Variants in DOCK1 observed in about 807,000 individuals in gnomAD.
DOCK1 encodes the protein dedicator of cytokinesis protein 1.
In DOCK1, 138 loss-of-function variants were observed where a neutral mutation model predicts 262.7. That is an observed-to-expected ratio of 0.53 (90% CI 0.46 to 0.61). The LOEUF is 0.61. Ranked by LOEUF, DOCK1 falls within the 20% of genes least tolerant of loss-of-function variation. DOCK1 has a pLI of 0.00. For missense variants in DOCK1, 1,908 were observed against 2,370.7 expected (o/e 0.80, Z 4.05); for synonymous variants, 866 against 867.4 (o/e 1.00, Z 0.03).
intron 27 of DOCK1, among the ~76,000 whole-genome samples, chr10:127,179,332 T>C (rs1217951549): frequency 6.6e-6 from 1 of 152,236 alleles, no homozygotes; most frequent in African/African-American, 2.4e-5. Flanking sequence ...CTCTGTTTTA[T>C]AGAGGGTTGC....
Position 126,970,795 on chromosome 10 carries a change from C to T in DOCK1, c.130+10C>T. On this transcript the variant is annotated intron_variant, in intron 2 of 51. Transcript: ENST00000623213. The stretch of plus-strand genomic sequence containing the variant: ...TTAGAAACATATGAAGGTGCGTATG[C>T]ATCTTGGTATCTTTTCTCTTACATT... 1.2e-6 allele frequency: 2 copies of T among 1,610,030 alleles called. No homozygotes were observed. Among genetic ancestry groups the T allele is most frequent in the South Asian group, 2.2e-5 (2 of 90,340 alleles).
chr10:127,312,031 A>G (rs1223423759), intron 29 of DOCK1, among the ~76,000 whole-genome samples: 1 of 151,762 alleles, frequency 6.6e-6, no homozygotes, highest in African/African-American at 2.4e-5. Flanking sequence ...CACCTGGCCA[A>G]TTTTTGTATT....
At chr10:127,055,217 G>A (rs969279428) in intron 22 of DOCK1, among the ~76,000 whole-genome samples, 1 of 151,978 alleles carries the variant, frequency 6.6e-6, no homozygotes, top group Non-Finnish European at 1.5e-5. Context: ...CCGAGTTCAT[G>A]CACCTGCGTG....
chr10:127,282,219 TTCTCTC>T (rs547977341), intron 29 of DOCK1, among the ~76,000 whole-genome samples: 6 of 149,208 alleles, frequency 4.0e-5, no homozygotes, highest in African/African-American at 7.4e-5. Flanking sequence ...CTCTCTCTCT[TTCTCTC>T]TCTCTCTCTC....
At chr10:127,092,271 G>C (rs977420598) in intron 23 of DOCK1, among the ~76,000 whole-genome samples, 1 of 152,190 alleles carries the variant, frequency 6.6e-6, no homozygotes, top group Non-Finnish European at 1.5e-5. Context: ...TCGGGGAGGA[G>C]AGGTCAGGAT....
At chr10:127,424,235 C>T (rs2068681425) in intron 46 of DOCK1, among the ~76,000 whole-genome samples, 2 of 152,350 alleles carry the variant, frequency 1.3e-5, no homozygotes, top group South Asian at 4.1e-4. Flanking sequence ...ACGTCAGGAA[C>T]TGCTGAGAGT....
chr10:126,950,644 G>A (rs2036131604), intron 1 of DOCK1, among the ~76,000 whole-genome samples: 1 of 152,130 alleles, frequency 6.6e-6, no homozygotes, highest in Non-Finnish European at 1.5e-5. Flanking sequence ...TGGGAGTGCT[G>A]TTCTCAGAGC....
At chr10:127,187,795 C>CAAGCAA (rs759200445) in intron 27 of DOCK1, among the ~76,000 whole-genome samples, 1 of 152,028 alleles carries the variant, frequency 6.6e-6, no homozygotes, top group Non-Finnish European at 1.5e-5. Flanking sequence ...AGCAAGCAAG[C>CAAGCAA]AAGCAAAAGC....
Position 127,248,042 on chromosome 10 carries a change from G to A in DOCK1, c.2882G>A (p.Arg961Gln), listed in dbSNP as rs571040090. ...NFVACMTAIL[R>Q]QMEDYHYAHL... ...GTGGCTTGCATGACAGCTATTTTAC[G>A]ACAAATGGAAGATTACCATTATGCC... The change falls in exon 28 of 52, where the codon CGA becomes CAA. Residue 961 changes from arginine (R) to glutamine (Q), a missense_variant. Physicochemically the swap from Arg to Gln is conservative, Grantham distance 43 (BLOSUM62 1). Coordinates refer to ENST00000623213, the MANE Select transcript of DOCK1 (RefSeq NM_001290223.2). 40 of 1,613,868 alleles carry A rather than the reference G, an allele frequency of 2.5e-5. No individual in the cohort carries two copies. The highest frequency in any genetic ancestry group is 1.6e-4 in the Middle Eastern group (1 of 6,062).
chr10:127,140,327 C>T (rs1171011002), intron 27 of DOCK1, among the ~76,000 whole-genome samples: 3 of 152,176 alleles, frequency 2.0e-5, no homozygotes, highest in Admixed American at 6.5e-5. Flanking sequence ...CCTGTTTGCA[C>T]TCCCCATTAT....
chr10:127,049,689 C>T (rs1285158941), intron 21 of DOCK1, among the ~76,000 whole-genome samples: 2 of 151,228 alleles, frequency 1.3e-5, no homozygotes, highest in Non-Finnish European at 2.9e-5. Context: ...ATAGTTTGAA[C>T]ACAGTCTCAA....
intron 29 of DOCK1, among the ~76,000 whole-genome samples, chr10:127,282,472 T>C (rs1242427845): frequency 1.3e-5 from 2 of 152,220 alleles, no homozygotes; most frequent in Non-Finnish European, 2.9e-5. Context: ...GCTTTAGAAA[T>C]TGAGCAGCCT....
Position 126,950,457 on chromosome 10 carries a change from G to A in DOCK1, c.47-20245G>A, listed in dbSNP as rs923249209. ...CTGGGGTTCCATTCATGGGATTAATGGAATTGTTATTTCATCTTGTCTCAA... is the reference window on the plus strand; with the variant it reads ...CTGGGGTTCCATTCATGGGATTAATAGAATTGTTATTTCATCTTGTCTCAA... On this transcript the variant is annotated intron_variant, in intron 1 of 51. Transcript: ENST00000623213. 5.9e-5 allele frequency among the ~76,000 whole-genome samples: 9 copies of A among 152,016 alleles called. No homozygotes were observed. In the East Asian group the frequency reaches 1.7e-3, roughly 29 times the overall value.
At chr10:127,303,302 TAGAC>T (rs2061753848) in intron 29 of DOCK1, among the ~76,000 whole-genome samples, 1 of 152,150 alleles carries the variant, frequency 6.6e-6, no homozygotes, top group African/African-American at 2.4e-5. Context: ...GCCAATGACT[TAGAC>T]AGCAAAGGTG....
At chr10:127,126,211 C>G (rs941798607) in intron 26 of DOCK1, among the ~76,000 whole-genome samples, 1 of 151,964 alleles carries the variant, frequency 6.6e-6, no homozygotes, top group Non-Finnish European at 1.5e-5. Flanking sequence ...TCTCCTGCCT[C>G]AGCTTCCCAA....
At chr10:127,001,671 G>A (rs894760132) in intron 10 of DOCK1, 2 of 152,660 alleles carry the variant, frequency 1.3e-5, no homozygotes, top group Middle Eastern at 3.1e-3. Context: ...ATCATAAGGA[G>A]TAAGCAATAG....
At chr10:127,049,024 C>T (rs1036068473) in intron 21 of DOCK1, among the ~76,000 whole-genome samples, 1 of 151,786 alleles carries the variant, frequency 6.6e-6, no homozygotes, top group Non-Finnish European at 1.5e-5. Flanking sequence ...GAAATAAATG[C>T]GGGTATAACA....
chr10:127,335,959 G>A (rs1281537832), intron 29 of DOCK1, among the ~76,000 whole-genome samples: 4 of 151,226 alleles, frequency 2.6e-5, no homozygotes, highest in Non-Finnish European at 5.9e-5. Flanking sequence ...CTTGTGATCC[G>A]CCTGCCTTGG....
At chr10:127,381,444 T>C in intron 37 of DOCK1, 76 bp downstream of exon 37, 1 of 1,417,816 alleles carries the variant, frequency 7.1e-7, no homozygotes, top group Middle Eastern at 1.8e-4. Context: ...TATTTTTCCA[T>C]GGCAAATTTT....
Sources: allele counts gnomAD v4.1 joint callset (sites outside exome capture counted in the v4.1 genomes callset), GRCh38; gene constraint gnomAD v4.1.1; transcripts MANE v1.5; gene names NCBI Gene and HGNC (gene_info 2026-07-23, HGNC 2026-07-21).